The following SOX6 variants were observed in gnomAD, a reference collection of about 807,000 sequenced individuals.
SOX6 encodes the protein SRY-box transcription factor 6.
In SOX6, 11 loss-of-function variants were observed where a neutral mutation model predicts 97.8. The observed-to-expected ratio is 0.11, with a 90% CI of 0.07 to 0.19. The LOEUF is 0.19. SOX6 is among the 10% of genes least tolerant of loss of function. SOX6 has a pLI of 1.00. For missense variants in SOX6, 810 were observed against 1,039.5 expected (o/e 0.78, Z 3.04); for synonymous variants, 360 against 371.4 (o/e 0.97, Z 0.35).
chr11:16,144,684 C>G (rs1850242324), intron 6 of SOX6, among the ~76,000 whole-genome samples: 1 of 152,154 alleles, frequency 6.6e-6, no homozygotes, highest in South Asian at 2.1e-4. Context: ...ACCAATCCCA[C>G]AGAAATACAA....
At chr11:16,576,505 G>A (rs1222742884) in intron 4 of SOX6, among the ~76,000 whole-genome samples, 1 of 152,062 alleles carries the variant, frequency 6.6e-6, no homozygotes, top group Non-Finnish European at 1.5e-5. Context: ...ATAAAATAAT[G>A]TTGTCATTGT....
chr11:16,630,729 T>A (rs111562254), intron 3 of SOX6, among the ~76,000 whole-genome samples: 1,704 of 152,364 alleles, frequency 0.011, 24 homozygotes, highest in African/African-American at 0.039. Context: ...AGTCTTTTCA[T>A]AGGTCTAGAA....
intron 3 of SOX6, among the ~76,000 whole-genome samples, chr11:16,242,747 A>G (rs954930012): frequency 9.2e-5 from 14 of 152,056 alleles, no homozygotes; most frequent in African/African-American, 3.4e-4. Context: ...AGTTAATGCC[A>G]TAATATTAAA....
At chr11:16,387,720 G>T (rs1289864705) in intron 1 of SOX6, among the ~76,000 whole-genome samples, 4 of 152,014 alleles carry the variant, frequency 2.6e-5, no homozygotes, top group Non-Finnish European at 4.4e-5. Flanking sequence ...AATTATAAAT[G>T]AATGCTGCCA....
intron 15 of SOX6, 48 bp from the exon 16 acceptor site, chr11:15,973,160 T>C (rs770137879): frequency 2.5e-6 from 4 of 1,578,898 alleles, no homozygotes; most frequent in Admixed American, 1.7e-5. Context: ...AATATCTATA[T>C]ATGTGCTATG....
At chr11:16,146,683 G>T (rs1047344085) in intron 6 of SOX6, among the ~76,000 whole-genome samples, 2 of 152,110 alleles carry the variant, frequency 1.3e-5, no homozygotes, top group African/African-American at 4.8e-5. Context: ...CCATCAAAAA[G>T]TGGGCAAAGG....
rs111966433 is a variant in SOX6, at chr11:16,127,221, C to A, written c.778-15298G>T. ...AAATATTAATGGGAGAGATTTTTAA[C>A]AACAACAACGAAGGCTGCTAGTCAA... On this transcript the variant is annotated intron_variant, in intron 6 of 15. Transcript: ENST00000683767. Among the ~76,000 whole-genome samples, 1,005 of 129,608 alleles carry A rather than the reference C, an allele frequency of 7.8e-3. 12 individuals carry two copies. Among genetic ancestry groups the A allele is most frequent in the African/African-American group, 0.032 (943 of 29,894 alleles). The allele number at this position is 129,608 out of a possible 152,430, so 85.0% of individuals were successfully genotyped here.
chr11:16,368,984 C>T (rs749110145), intron 1 of SOX6, among the ~76,000 whole-genome samples: 19 of 151,984 alleles, frequency 1.3e-4, no homozygotes, highest in Non-Finnish European at 2.4e-4. Context: ...CCCTGTAATT[C>T]CATCATTGAG....
chr11:16,073,700 C>T (rs1393824977), intron 9 of SOX6, among the ~76,000 whole-genome samples: 1 of 152,044 alleles, frequency 6.6e-6, no homozygotes, highest in Non-Finnish European at 1.5e-5. Flanking sequence ...CATAAATAAT[C>T]CTCAACAAGT....
intron 2 of SOX6, among the ~76,000 whole-genome samples, chr11:16,715,386 T>G (rs1005533192): frequency 1.3e-5 from 2 of 152,218 alleles, no homozygotes; most frequent in Non-Finnish European, 2.9e-5. Context: ...ATTACATATG[T>G]GATTCACATT....
chr11:16,128,722 A>G (rs973634936), intron 6 of SOX6, among the ~76,000 whole-genome samples: 1 of 152,130 alleles, frequency 6.6e-6, no homozygotes, highest in Non-Finnish European at 1.5e-5. Context: ...AGGCCTAACT[A>G]CTACATTTGA....
intron 1 of SOX6, among the ~76,000 whole-genome samples, chr11:16,372,120 T>C (rs1474661357): frequency 6.6e-6 from 1 of 152,108 alleles, no homozygotes; most frequent in Non-Finnish European, 1.5e-5. Context: ...TATCTGGCAT[T>C]GTATTGAACA....
intron 4 of SOX6, among the ~76,000 whole-genome samples, chr11:16,497,748 G>T (rs1391155307): frequency 1.3e-5 from 2 of 151,998 alleles, no homozygotes; most frequent in Middle Eastern, 3.2e-3. Flanking sequence ...GAAATGAAGC[G>T]AGAAGAGAAG....
intron 3 of SOX6, among the ~76,000 whole-genome samples, chr11:16,703,682 TTTG>T (rs1429968396): frequency 8.5e-5 from 13 of 152,148 alleles, no homozygotes; most frequent in East Asian, 1.9e-4. Context: ...TGCTTTTGTG[TTTG>T]TTATTTCATC....
chr11:16,277,719 T>A (rs1323782687), intron 3 of SOX6, among the ~76,000 whole-genome samples: 1 of 152,200 alleles, frequency 6.6e-6, no homozygotes, highest in Non-Finnish European at 1.5e-5. Context: ...AAATCCCACA[T>A]TCGTTTATCT....
intron 1 of SOX6, among the ~76,000 whole-genome samples, chr11:16,467,749 T>C (rs1860068918): frequency 6.6e-6 from 1 of 152,164 alleles, no homozygotes; most frequent in Non-Finnish European, 1.5e-5. Flanking sequence ...CAAGTTTACC[T>C]ATGTAATAAA....
chr11:16,695,980 T>A (rs1590055455), intron 3 of SOX6, among the ~76,000 whole-genome samples: 1 of 152,272 alleles, frequency 6.6e-6, no homozygotes, highest in South Asian at 2.1e-4. Flanking sequence ...CACTGCACTC[T>A]AGCCTGGTGA....
At chr11:16,666,370 T>C (rs1274071552) in intron 3 of SOX6, among the ~76,000 whole-genome samples, 1 of 152,062 alleles carries the variant, frequency 6.6e-6, no homozygotes, top group Non-Finnish European at 1.5e-5. Flanking sequence ...TAACAAAAGA[T>C]TGAAATAATT....
intron 6 of SOX6, among the ~76,000 whole-genome samples, chr11:16,135,621 T>C (rs1328736391): frequency 3.3e-5 from 5 of 152,192 alleles, no homozygotes; most frequent in Non-Finnish European, 5.9e-5. Context: ...ACTGAATTAT[T>C]TCAGTCTTAT....
Sources: allele counts gnomAD v4.1 joint callset (sites outside exome capture counted in the v4.1 genomes callset), GRCh38; gene constraint gnomAD v4.1.1; transcripts MANE v1.5; gene names NCBI Gene and HGNC (gene_info 2026-07-23, HGNC 2026-07-21).